The following PLCB1 variants were observed in gnomAD, a reference collection of about 807,000 sequenced individuals.
The protein encoded by PLCB1 is phospholipase C beta 1, also known as 1-phosphatidylinositol 4,5-bisphosphate phosphodiesterase beta-1.
A neutral mutation model predicts 161.8 loss-of-function variants in PLCB1; 46 were observed. The observed-to-expected ratio is 0.28, with a 90% CI of 0.22 to 0.36. The LOEUF (loss-of-function observed/expected upper bound fraction) is 0.36, where lower values mean the gene tolerates loss of function less well. Among genes scored for constraint, PLCB1 ranks in the 10% least tolerant of loss-of-function variants. The probability of loss-of-function intolerance (pLI) is 1.00; values close to 1 mark genes in which losing one functional copy is unlikely to be tolerated. For synonymous variants in PLCB1, 517 were observed against 503.7 expected (o/e 1.03, Z -0.35); for missense variants, 1,016 against 1,472.5 (o/e 0.69, Z 5.07).
intron 2 of PLCB1, chr20:8,257,049 C>T (rs1051865304): frequency 3.3e-5 from 5 of 152,000 alleles, no homozygotes; most frequent in African/African-American, 9.7e-5. Context: ...ATTTTGAGCC[C>T]GCAATTTAAA....
chr20:8,513,654 T>C (rs1457277785), intron 3 of PLCB1, among the ~76,000 whole-genome samples: 1 of 152,160 alleles, frequency 6.6e-6, no homozygotes, highest in Middle Eastern at 3.2e-3. Flanking sequence ...TTCTAAAATC[T>C]ACTGCATGAG....
intron 31 of PLCB1, among the ~76,000 whole-genome samples, chr20:8,800,730 A>T (rs1427092994): frequency 1.0e-5 from 1 of 99,412 alleles, no homozygotes; most frequent in African/African-American, 2.7e-5. Context: ...AAAAAAGCTT[A>T]CTCTTAGGTT....
intron 3 of PLCB1, among the ~76,000 whole-genome samples, chr20:8,413,557 T>A (rs1242618229): frequency 6.6e-6 from 1 of 152,202 alleles, no homozygotes; most frequent in East Asian, 1.9e-4. Context: ...TTGAATTTGT[T>A]ACAGATCTTG....
Position 8,386,223 on chromosome 20 carries a change from C to T in PLCB1, c.246+14773C>T, listed in dbSNP as rs187363297. ...ATTAAGGTTTTAAATTTACTTAGCC[C>T]ACATCCATCTGAAAAATCCCTATCT... On this transcript the variant is annotated intron_variant, in intron 3 of 31. Transcript: ENST00000338037. Among the ~76,000 whole-genome samples the T allele has an allele frequency of 1.3e-4, 20 of 152,264 alleles. No individual in the cohort carries two copies. The East Asian group carries it at 3.7e-3, about 28-fold the overall frequency.
intron 3 of PLCB1, among the ~76,000 whole-genome samples, chr20:8,548,210 C>T (rs1406770527): frequency 5.6e-5 from 4 of 71,676 alleles, no homozygotes. Context: ...ATTTTCTTTC[C>T]TTCCTTCCTT....
At chr20:8,441,303 A>G (rs1345234981) in intron 3 of PLCB1, among the ~76,000 whole-genome samples, 1 of 152,190 alleles carries the variant, frequency 6.6e-6, no homozygotes, top group South Asian at 2.1e-4. Flanking sequence ...ACCGACCATA[A>G]TAGGATACTT....
At chr20:8,502,080 A>G (rs1983448398) in intron 3 of PLCB1, among the ~76,000 whole-genome samples, 6 of 151,760 alleles carry the variant, frequency 4.0e-5, no homozygotes, top group Admixed American at 3.3e-4. Flanking sequence ...TAATTAACGT[A>G]TCTTTTTATT....
intron 18 of PLCB1, chr20:8,729,943 C>T (rs1980145061): frequency 6.6e-6 from 1 of 151,906 alleles, no homozygotes; most frequent in South Asian, 2.1e-4. Flanking sequence ...TTAAACCAGA[C>T]AAAAATGTGT....
At chr20:8,662,322 G>A (rs866614450) in intron 9 of PLCB1, among the ~76,000 whole-genome samples, 1 of 88,848 alleles carries the variant, frequency 1.1e-5, no homozygotes, top group Non-Finnish European at 2.0e-5. Context: ...TGTATAATAT[G>A]TAATTATTTA....
intron 2 of PLCB1, among the ~76,000 whole-genome samples, chr20:8,327,690 A>G (rs1158106260): frequency 6.6e-6 from 1 of 152,168 alleles, no homozygotes; most frequent in Non-Finnish European, 1.5e-5. Context: ...TTATGTCATG[A>G]TAATTCTAAT....
intron 3 of PLCB1, among the ~76,000 whole-genome samples, chr20:8,583,494 A>G (rs1986896579): frequency 6.6e-6 from 1 of 152,242 alleles, no homozygotes; most frequent in Admixed American, 6.5e-5. Context: ...AACCTAACAC[A>G]GTCAGCCCAG....
At chr20:8,821,604 T>C (rs185119700) in intron 31 of PLCB1, among the ~76,000 whole-genome samples, 3 of 146,624 alleles carry the variant, frequency 2.0e-5, no homozygotes, top group Non-Finnish European at 4.5e-5. Context: ...AGTTATGATA[T>C]ATCAGTTTAC....
At chr20:8,526,607 T>C (rs1450758347) in intron 3 of PLCB1, among the ~76,000 whole-genome samples, 1 of 152,112 alleles carries the variant, frequency 6.6e-6, no homozygotes, top group Non-Finnish European at 1.5e-5. Context: ...TGGTAAAATA[T>C]TTAGCGTAAG....
chr20:8,422,992 G>T (rs1292397750), intron 3 of PLCB1, among the ~76,000 whole-genome samples: 1 of 152,250 alleles, frequency 6.6e-6, no homozygotes, highest in Middle Eastern at 3.4e-3. Flanking sequence ...GAAGAACTTA[G>T]TATAGTTCTG....
chr20:8,209,201 G>A (rs1034918843), intron 2 of PLCB1, among the ~76,000 whole-genome samples: 3 of 142,752 alleles, frequency 2.1e-5, no homozygotes, highest in Admixed American at 6.9e-5. Context: ...ACTGTTTTTT[G>A]TTTTTTTTTT....
intron 2 of PLCB1, among the ~76,000 whole-genome samples, chr20:8,329,950 G>A (rs1000277339): frequency 7.9e-5 from 12 of 152,138 alleles, no homozygotes; most frequent in African/African-American, 2.9e-4. Context: ...CTGTGTTTCA[G>A]TTTTCCCTCT....
At chr20:8,841,874 T>G (rs1203535920) in intron 31 of PLCB1, among the ~76,000 whole-genome samples, 2 of 152,236 alleles carry the variant, frequency 1.3e-5, no homozygotes, top group Non-Finnish European at 2.9e-5. Flanking sequence ...TATTGAAATG[T>G]TGAACTTGTT....
intron 3 of PLCB1, among the ~76,000 whole-genome samples, chr20:8,478,114 A>G (rs550860371): frequency 6.6e-6 from 1 of 152,342 alleles, no homozygotes; most frequent in African/African-American, 2.4e-5. Flanking sequence ...GTTAATTTGC[A>G]GTGGTAGCAT....
chr20:8,521,053 T>C (rs561784874), intron 3 of PLCB1, among the ~76,000 whole-genome samples: 65 of 152,272 alleles, frequency 4.3e-4, no homozygotes, highest in African/African-American at 1.5e-3. Flanking sequence ...AAGCTTCTTA[T>C]AGATAAGCTC....
Sources: allele counts gnomAD v4.1 joint callset (sites outside exome capture counted in the v4.1 genomes callset), GRCh38; gene constraint gnomAD v4.1.1; transcripts MANE v1.5; gene names NCBI Gene and HGNC (gene_info 2026-07-23, HGNC 2026-07-21).